The following ZNF664 variants were observed in gnomAD, a reference collection of about 807,000 sequenced individuals.
ZNF664 encodes the protein zinc finger Organ of Corti 1.
In ZNF664, 10 loss-of-function variants were observed where a neutral mutation model predicts 18.2. That is an observed-to-expected ratio of 0.55 (90% CI 0.34 to 0.93). ZNF664 has a LOEUF of 0.93. ZNF664 is among the 40% of genes least tolerant of loss of function. The pLI, the probability that ZNF664 is intolerant of heterozygous loss-of-function variation, is 0.02. For synonymous variants in ZNF664, 119 were observed against 104.2 expected (o/e 1.14, Z -0.86); for missense variants, 193 against 319.0 (o/e 0.61, Z 3.01).
chr12:123,986,395 T>C (rs1566197755), intron 2 of ZNF664, among the ~76,000 whole-genome samples: 1 of 152,218 alleles, frequency 6.6e-6, no homozygotes, highest in Non-Finnish European at 1.5e-5. Context: ...TCTTTGTGTC[T>C]TTCTCCTCTT....
At chr12:123,977,462 CAAAAAAAAAA>C (rs58043898) in intron 2 of ZNF664, among the ~76,000 whole-genome samples, 1 of 94,166 alleles carries the variant, frequency 1.1e-5, no homozygotes, top group Non-Finnish European at 2.2e-5. Context: ...CTAAAATGGC[CAAAAAAAAAA>C]AAAAAAAACC....
intron 3 of ZNF664, among the ~76,000 whole-genome samples, chr12:124,004,174 TG>T (rs1026956142): frequency 2.6e-5 from 4 of 152,082 alleles, no homozygotes; most frequent in Non-Finnish European, 5.9e-5. Context: ...GCACAGTTTC[TG>T]GGGGTGATAG....
chr12:123,974,162 C>G (rs1034967829), intron 2 of ZNF664, 142 bp downstream of exon 2: 16 of 521,418 alleles, frequency 3.1e-5, no homozygotes, highest in Non-Finnish European at 4.7e-5. Flanking sequence ...GACATTTTCC[C>G]GTCCGGATCC....
chr12:124,013,921 T>G lies in ZNF664; in HGVS notation c.*991T>G, dbSNP rs1047868748. The G allele has an allele frequency of 3.6e-5, 6 of 167,168 alleles. No individual in the cohort carries two copies. The highest frequency in any genetic ancestry group is 7.3e-5 in the Non-Finnish European group (5 of 68,150). 10.4% of individuals were successfully genotyped at this position (167,168 alleles called of 1,614,324 possible). ...TTCATTGATTACTGTGTATCAGTTC[T>G]TTGTTAGGCATGAACGTCTTTATTA... On this transcript the variant is annotated 3_prime_UTR_variant, in exon 5 of 5. Coordinates refer to ENST00000337815, the MANE Select transcript of ZNF664 (RefSeq NM_152437.3).
chr12:123,992,812 A>G (rs1956904030), intron 3 of ZNF664, among the ~76,000 whole-genome samples: 1 of 152,192 alleles, frequency 6.6e-6, no homozygotes, highest in South Asian at 2.1e-4. Flanking sequence ...AGAACCTGGA[A>G]TATCTCCGAG....
chr12:124,004,249 G>A (rs1303586607), intron 3 of ZNF664, among the ~76,000 whole-genome samples: 1 of 152,190 alleles, frequency 6.6e-6, no homozygotes, highest in Non-Finnish European at 1.5e-5. Flanking sequence ...TGGGTGGAGG[G>A]AGGGCATAAG....
At chr12:123,975,167 G>A (rs1002479140) in intron 2 of ZNF664, among the ~76,000 whole-genome samples, 1 of 151,972 alleles carries the variant, frequency 6.6e-6, no homozygotes, top group African/African-American at 2.4e-5. Flanking sequence ...TATGTGTTGT[G>A]GAATGTAAAG....
intron 3 of ZNF664, among the ~76,000 whole-genome samples, chr12:124,006,395 T>A (rs866798981): frequency 6.6e-6 from 1 of 152,182 alleles, no homozygotes; most frequent in Non-Finnish European, 1.5e-5. Context: ...GGAAACCAGC[T>A]TCATTCTCCC....
chr12:123,975,467 G>A (rs767480403), intron 2 of ZNF664, among the ~76,000 whole-genome samples: 3 of 149,176 alleles, frequency 2.0e-5, no homozygotes, highest in South Asian at 2.1e-4. Flanking sequence ...TTCTGTTGCC[G>A]TGGCTGGAGT....
chr12:123,984,676 A>G (rs1413511764), intron 2 of ZNF664, among the ~76,000 whole-genome samples: 2 of 151,978 alleles, frequency 1.3e-5, no homozygotes, highest in Non-Finnish European at 2.9e-5. Context: ...TGAGGGAAGA[A>G]GTTGCCTTTT....
intron 3 of ZNF664, among the ~76,000 whole-genome samples, chr12:123,998,189 A>G (rs957619783): frequency 4.6e-5 from 7 of 151,982 alleles, no homozygotes; most frequent in African/African-American, 1.2e-4. Context: ...ATCCCTTTGT[A>G]TGTTTATGGA....
intron 3 of ZNF664, among the ~76,000 whole-genome samples, chr12:123,996,096 G>A (rs1956944956): frequency 6.6e-6 from 1 of 152,230 alleles, no homozygotes; most frequent in African/African-American, 2.4e-5. Context: ...TTAACAGTGT[G>A]CATTCCCTGT....
intron 3 of ZNF664, among the ~76,000 whole-genome samples, chr12:123,992,703 GC>G (rs367694440): frequency 1.3e-5 from 2 of 152,176 alleles, no homozygotes; most frequent in African/African-American, 4.8e-5. Flanking sequence ...CTTTTGAGGA[GC>G]CCACTTTTAG....
intron 3 of ZNF664, among the ~76,000 whole-genome samples, chr12:124,000,109 C>T (rs1292020723): frequency 6.6e-6 from 1 of 152,218 alleles, no homozygotes; most frequent in East Asian, 1.9e-4. Context: ...AGCTATCTGC[C>T]TTCCCCATGC....
intron 3 of ZNF664, among the ~76,000 whole-genome samples, chr12:123,999,287 C>G (rs1416770960): frequency 6.6e-6 from 1 of 152,148 alleles, no homozygotes; most frequent in Non-Finnish European, 1.5e-5. Flanking sequence ...AGAAAGTGTG[C>G]CCTTATGCTT....
chr12:123,986,164 G>C (rs1956822437), intron 2 of ZNF664, among the ~76,000 whole-genome samples: 1 of 152,174 alleles, frequency 6.6e-6, no homozygotes, highest in African/African-American at 2.4e-5. Flanking sequence ...TTGTGGCACT[G>C]AGGCACCTCC....
chr12:124,007,010 C>CT (rs1434747939), intron 3 of ZNF664, among the ~76,000 whole-genome samples: 3 of 152,180 alleles, frequency 2.0e-5, no homozygotes, highest in Admixed American at 6.5e-5. Flanking sequence ...ACAGCTGCCT[C>CT]TATCTGTGTG....
At chr12:123,980,538 T>G (rs927967763) in intron 2 of ZNF664, among the ~76,000 whole-genome samples, 39 of 152,202 alleles carry the variant, frequency 2.6e-4, no homozygotes, top group African/African-American at 9.2e-4. Flanking sequence ...ATGGGCACAG[T>G]TTGCAGAATG....
intron 2 of ZNF664, among the ~76,000 whole-genome samples, chr12:123,984,044 C>G (rs781411323): frequency 6.6e-6 from 1 of 152,194 alleles, no homozygotes; most frequent in Non-Finnish European, 1.5e-5. Context: ...TGAGTGCCCT[C>G]TGGAGGCCTT....
Sources: gnomAD v4.1 joint callset for allele counts (sites outside exome capture counted in the v4.1 genomes callset) on GRCh38, gnomAD v4.1.1 for gene constraint, MANE v1.5 for transcripts, NCBI Gene and HGNC (gene_info 2026-07-23, HGNC 2026-07-21) for gene names.